FANCL: variants seen among roughly 807,000 people sequenced by gnomAD.
The protein encoded by FANCL is FA complementation group L.
In FANCL, 69 loss-of-function variants were observed where a neutral mutation model predicts 59.4. That is an observed-to-expected ratio of 1.16 (90% confidence interval 0.96 to 1.42). The LOEUF is 1.42. FANCL is among the 40% of genes most tolerant of loss of function. The probability of loss-of-function intolerance (pLI) is 0.00; values close to 1 mark genes in which losing one functional copy is unlikely to be tolerated. For synonymous variants in FANCL, 180 were observed against 147.1 expected (o/e 1.22, Z -1.62); for missense variants, 519 against 447.2 (o/e 1.16, Z -1.45).
intron 7 of FANCL, among the ~76,000 whole-genome samples, chr2:58,181,832 A>C (rs528807457): frequency 6.6e-6 from 1 of 152,070 alleles, no homozygotes; most frequent in East Asian, 1.9e-4. Flanking sequence ...CGTATGAGTT[A>C]TTTGTTATAA....
chr2:58,217,248 A>AT, intron 5 of FANCL, among the ~76,000 whole-genome samples: 1 of 121,716 alleles, frequency 8.2e-6, no homozygotes, highest in Admixed American at 9.2e-5. Flanking sequence ...ACACACATAT[A>AT]TATGTTTGGC....
chr2:58,167,108 A>G lies in FANCL; in HGVS notation c.541-1234T>C, dbSNP rs371165395. Among the ~76,000 whole-genome samples the G allele has an allele frequency of 3.3e-5, 5 of 152,310 alleles. 1 individual carries two copies. Among genetic ancestry groups the G allele is most frequent in the African/African-American group, 1.2e-4 (5 of 41,568 alleles). ...GCGCCCATAGTCCCAGCTATTTGGG[A>G]GACAGAGGCAGGAGAATCACTTGAA... On this transcript the variant is annotated intron_variant, in intron 7 of 13. Transcript: ENST00000233741.
chr2:58,198,409 T>G (rs1689655250), intron 7 of FANCL, among the ~76,000 whole-genome samples, 185 bp downstream of exon 7: 1 of 151,980 alleles, frequency 6.6e-6, no homozygotes, highest in Non-Finnish European at 1.5e-5. Context: ...TAGAGATAAC[T>G]TAAAGTATAC....
At chr2:58,226,960 T>C (rs1326818128) in intron 3 of FANCL, among the ~76,000 whole-genome samples, 176 bp from the exon 4 acceptor site, 1 of 152,244 alleles carries the variant, frequency 6.6e-6, no homozygotes, top group East Asian at 1.9e-4. Context: ...CAATTTCATT[T>C]TGAAACAGTA....
rs758231122 is a variant in FANCL at position 58,159,603 on chromosome 2, T to C, written c.*162A>G. 3 of 1,613,872 alleles carry C rather than the reference T, an allele frequency of 1.9e-6. No homozygotes were observed. The highest frequency in any genetic ancestry group is 1.7e-6 in the Non-Finnish European group (2 of 1,179,828). ...GGCCTACAATTTCCCAGTTTACTCT[T>C]AGTGAAGAGACAAACGCAGATGTTT... is the stretch of plus-strand genomic sequence containing the variant. On this transcript the variant is annotated 3_prime_UTR_variant, in exon 14 of 14. Coordinates refer to ENST00000233741, the MANE Select transcript of FANCL (RefSeq NM_018062.4).
At chr2:58,224,094 G>A (rs1385583685) in intron 4 of FANCL, among the ~76,000 whole-genome samples, 1 of 151,656 alleles carries the variant, frequency 6.6e-6, no homozygotes, top group Admixed American at 6.6e-5. Flanking sequence ...TTGTAAATCA[G>A]AGATCTCAAA....
At chr2:58,208,110 GA>G (rs1690776720) in intron 5 of FANCL, among the ~76,000 whole-genome samples, 1 of 151,860 alleles carries the variant, frequency 6.6e-6, no homozygotes, top group African/African-American at 2.4e-5. Flanking sequence ...TAGACAACAG[GA>G]AATAAATAAC....
intron 5 of FANCL, among the ~76,000 whole-genome samples, chr2:58,217,927 C>T (rs76540117): frequency 6.6e-6 from 1 of 151,938 alleles, no homozygotes; most frequent in African/African-American, 2.4e-5. Flanking sequence ...AGAACACATA[C>T]CAAAATTGAC....
intron 6 of FANCL, 147 bp downstream of exon 6, chr2:58,203,983 T>C: frequency 1.4e-6 from 1 of 719,040 alleles, no homozygotes; most frequent in Non-Finnish European, 2.4e-6. Context: ...GGTGAATAAA[T>C]TCTTTGAGGC....
rs529720648 is a variant in FANCL, at chr2:58,210,847, C to A, written c.375-6621G>T. 7.2e-5 allele frequency among the ~76,000 whole-genome samples: 11 copies of A among 152,310 alleles called. No homozygotes were observed. The South Asian group carries it at 2.1e-3, about 29-fold the overall frequency. The stretch of plus-strand genomic sequence containing the variant: ...TCTCCTTTGACTCCATGTCTCACAT[C>A]CAGATCATGCTGATACAAGAGTTGA... On this transcript the variant is annotated intron_variant, in intron 5 of 13. Transcript: ENST00000233741.
At chr2:58,190,352 T>C (rs1030556973) in intron 7 of FANCL, among the ~76,000 whole-genome samples, 3 of 151,572 alleles carry the variant, frequency 2.0e-5, no homozygotes, top group African/African-American at 7.3e-5. Flanking sequence ...ACAGAGTAAC[T>C]ATAGCAATTC....
chr2:58,204,118 C>T lies in FANCL; in HGVS notation c.471+12G>A, dbSNP rs369756342. ...TTTTCTGATCACAATAACAGTTTAA[C>T]GAGGCACATACCTTTGCCTTCAACT... is the stretch of plus-strand genomic sequence containing the variant. On this transcript the variant is annotated intron_variant, in intron 6 of 13. Coordinates refer to ENST00000233741, the MANE Select transcript of FANCL (RefSeq NM_018062.4). The T allele has an allele frequency of 7.0e-5, 112 of 1,591,614 alleles. 1 individual carries two copies. The South Asian group carries it at 8.6e-4, about 12-fold the overall frequency.
In FANCL at chr2:58,204,376, G is replaced by C. The variant is rs542326600; in HGVS notation, c.375-150C>G. 5 of 705,466 alleles carry C rather than the reference G, an allele frequency of 7.1e-6. No homozygotes were observed. The Admixed American group carries it at 8.0e-5, about 11-fold the overall frequency. 43.7% of individuals were successfully genotyped at this position (705,466 alleles called of 1,614,324 possible). On this transcript the variant is annotated intron_variant, in intron 5 of 13. Transcript: ENST00000233741. The stretch of plus-strand genomic sequence containing the variant: ...CAATTTCTGCATGCCAACCCTTTCT[G>C]CTGCTATAGATTTACTGCCGTTCAT...
At chr2:58,203,185 A>G (rs1322738734) in intron 6 of FANCL, among the ~76,000 whole-genome samples, 1 of 151,876 alleles carries the variant, frequency 6.6e-6, no homozygotes, top group Non-Finnish European at 1.5e-5. Context: ...AGACCTACAT[A>G]CATATTCTGT....
intron 1 of FANCL, among the ~76,000 whole-genome samples, chr2:58,239,714 G>T (rs1024804165): frequency 5.9e-5 from 9 of 152,198 alleles, no homozygotes; most frequent in Non-Finnish European, 7.4e-5. Flanking sequence ...GGGATAAAGG[G>T]GAACTACGCC....
At chr2:58,229,775 A>G (rs747963330) in intron 3 of FANCL, 39 bp downstream of exon 3, 14 of 1,413,742 alleles carry the variant, frequency 9.9e-6, no homozygotes, top group Non-Finnish European at 1.3e-5. Flanking sequence ...GTAATTTCTT[A>G]TCTTCACTGA....
chr2:58,169,188 A>G (rs1165977554), intron 7 of FANCL, among the ~76,000 whole-genome samples: 1 of 152,190 alleles, frequency 6.6e-6, no homozygotes, highest in Non-Finnish European at 1.5e-5. Flanking sequence ...GCCCTCTGGG[A>G]CGAAGCTTCC....
intron 5 of FANCL, among the ~76,000 whole-genome samples, chr2:58,217,135 A>AG (rs1314516019): frequency 3.9e-5 from 4 of 101,942 alleles, no homozygotes; most frequent in African/African-American, 1.2e-4. Flanking sequence ...ATATATTTTT[A>AG]TATATAGATT....
rs1691498868 is a variant in FANCL, at chr2:58,214,421, C to T, written c.374+7521G>A. On this transcript the variant is annotated intron_variant, in intron 5 of 13. Transcript: ENST00000233741. ...TCAAGAATCCTATAATTATACTCTA[C>T]CCTTCTTATCGTGGTCATAATTCAG... Among the ~76,000 whole-genome samples the T allele has an allele frequency of 2.0e-5, 3 of 152,092 alleles. No homozygotes were observed. In the South Asian group the frequency reaches 6.2e-4, roughly 32 times the overall value.
Sources: gnomAD v4.1 joint callset for allele counts (sites outside exome capture counted in the v4.1 genomes callset) on GRCh38, gnomAD v4.1.1 for gene constraint, MANE v1.5 for transcripts, NCBI Gene and HGNC (gene_info 2026-07-23, HGNC 2026-07-21) for gene names.